SHISA9: variants seen among roughly 807,000 people sequenced by gnomAD.
SHISA9 encodes protein shisa-9.
In SHISA9, 13 loss-of-function variants were observed where a neutral mutation model predicts 38.0. The ratio of observed to expected loss-of-function variants is 0.34; its 90% confidence interval spans 0.22 to 0.54. SHISA9 has a LOEUF of 0.54. Ranked by LOEUF, SHISA9 falls within the 20% of genes least tolerant of loss-of-function variation. The probability of loss-of-function intolerance (pLI) is 0.91; values close to 1 mark genes in which losing one functional copy is unlikely to be tolerated. For synonymous variants in SHISA9, 275 were observed against 242.0 expected (o/e 1.14, Z -1.27); for missense variants, 538 against 575.8 (o/e 0.93, Z 0.67).
intron 2 of SHISA9, among the ~76,000 whole-genome samples, chr16:13,181,428 G>A (rs1192639672): frequency 6.6e-6 from 1 of 151,334 alleles, no homozygotes; most frequent in African/African-American, 2.4e-5. Flanking sequence ...GCTGTGAGGG[G>A]GGAAATCACA....
chr16:12,928,536 A>G (rs2071422988), intron 2 of SHISA9, among the ~76,000 whole-genome samples: 1 of 152,248 alleles, frequency 6.6e-6, no homozygotes. Context: ...TTAACTTTTC[A>G]GTTCTCCAAG....
At chr16:13,488,287 G>T in the SHISA9 span, among the ~76,000 whole-genome samples, 2 of 150,846 alleles carry the variant, frequency 1.3e-5, no homozygotes, top group Admixed American at 1.3e-4. Flanking sequence ...TTATGTCAAA[G>T]AATGTGAAAT....
At chr16:13,067,764 T>C (rs919209065) in intron 2 of SHISA9, among the ~76,000 whole-genome samples, 2 of 152,226 alleles carry the variant, frequency 1.3e-5, no homozygotes, top group African/African-American at 4.8e-5. Context: ...CTGCACCTGC[T>C]GTGCCTGCTG....
the SHISA9 span, among the ~76,000 whole-genome samples, chr16:13,380,078 C>A: frequency 1.3e-5 from 2 of 151,170 alleles, no homozygotes; most frequent in Non-Finnish European, 2.9e-5. Flanking sequence ...AACCGAAAGA[C>A]GAAGATACAG....
At chr16:13,044,692 G>A (rs74012250) in intron 2 of SHISA9, among the ~76,000 whole-genome samples, 4,964 of 152,230 alleles carry the variant, frequency 0.033, 240 homozygotes, top group African/African-American at 0.11. Context: ...TGAAGGCTCC[G>A]AGGTGAGAGG....
chr16:13,195,265 A>G (rs977770480), intron 2 of SHISA9, among the ~76,000 whole-genome samples: 3 of 152,230 alleles, frequency 2.0e-5, no homozygotes, highest in African/African-American at 7.2e-5. Flanking sequence ...CCAGAAAGTT[A>G]GAAAGTTTAA....
chr16:13,338,399 C>T, the SHISA9 span, among the ~76,000 whole-genome samples: 704 of 152,270 alleles, frequency 4.6e-3, 1 homozygote, highest in Non-Finnish European at 8.2e-3. Flanking sequence ...TTGATAACAA[C>T]ATTGTTCAGC....
chr16:13,398,826 TAACTC>T, the SHISA9 span, among the ~76,000 whole-genome samples: 6 of 152,154 alleles, frequency 3.9e-5, no homozygotes, highest in Admixed American at 6.5e-5. Context: ...TCACCAATCT[TAACTC>T]AACTCTAACA....
chr16:12,911,005 A>G (rs2071176010), intron 1 of SHISA9: 2 of 162,602 alleles, frequency 1.2e-5, no homozygotes, highest in Admixed American at 1.3e-4. Context: ...ATGTTAATCT[A>G]TTTCAAGAGC....
the SHISA9 span, among the ~76,000 whole-genome samples, chr16:13,283,177 A>G: frequency 2.0e-5 from 3 of 152,276 alleles, no homozygotes; most frequent in African/African-American, 7.2e-5. Context: ...GTTGATCACT[A>G]GGAACTTTGT....
chr16:13,421,021 T>G, the SHISA9 span, among the ~76,000 whole-genome samples: 1 of 152,172 alleles, frequency 6.6e-6, no homozygotes, highest in Non-Finnish European at 1.5e-5. Context: ...CATTTCCACA[T>G]CATTTTCAAT....
downstream of SHISA9, among the ~76,000 whole-genome samples, chr16:13,243,447 G>A (rs1478927493): frequency 2.0e-5 from 3 of 152,026 alleles, no homozygotes; most frequent in Middle Eastern, 3.2e-3. Flanking sequence ...TCAAAGTGGG[G>A]GGGCTTCCAG....
At chr16:13,267,937 C>T in the SHISA9 span, among the ~76,000 whole-genome samples, 394 of 149,214 alleles carry the variant, frequency 2.6e-3, 1 homozygote, top group African/African-American at 5.7e-3. Flanking sequence ...ATTTCTGTGA[C>T]GAATAGGATA....
In SHISA9 at chr16:13,183,780, C is replaced by G. The variant is rs183914733; in HGVS notation, c.692-19614C>G. 1.4e-4 allele frequency among the ~76,000 whole-genome samples: 21 copies of G among 152,268 alleles called. 1 individual carries two copies. The East Asian group carries it at 3.9e-3, about 28-fold the overall frequency. ...ACTTTAAGGTCCTGATCTAATTGCT[C>G]TCTTGGCTCTGTTTCCATGGATTTG... On this transcript the variant is annotated intron_variant, in intron 2 of 4. Coordinates refer to ENST00000558583, the MANE Select transcript of SHISA9 (RefSeq NM_001145204.3).
At chr16:13,069,572 G>A (rs982742157) in intron 2 of SHISA9, among the ~76,000 whole-genome samples, 18 of 151,260 alleles carry the variant, frequency 1.2e-4, no homozygotes, top group Admixed American at 8.5e-4. Flanking sequence ...GCGTGCATGT[G>A]TATGTGTGTG....
intron 2 of SHISA9, among the ~76,000 whole-genome samples, chr16:13,096,409 C>A (rs2073828442): frequency 6.6e-6 from 1 of 152,120 alleles, no homozygotes; most frequent in Admixed American, 6.5e-5. Context: ...GTGGTTAAAG[C>A]AATAATCATT....
At chr16:13,023,691 G>A (rs954944204) in intron 2 of SHISA9, among the ~76,000 whole-genome samples, 1 of 152,146 alleles carries the variant, frequency 6.6e-6, no homozygotes, top group Non-Finnish European at 1.5e-5. Flanking sequence ...GTTGTTTCCT[G>A]ACTTTTTAAT....
intron 2 of SHISA9, among the ~76,000 whole-genome samples, chr16:12,986,989 T>C (rs2141828562): frequency 6.6e-6 from 1 of 152,206 alleles, no homozygotes; most frequent in East Asian, 1.9e-4. Flanking sequence ...GTCTCTTCCA[T>C]ATCTGTCTTC....
the SHISA9 span, among the ~76,000 whole-genome samples, chr16:13,440,647 G>A: frequency 6.6e-6 from 1 of 152,204 alleles, no homozygotes; most frequent in African/African-American, 2.4e-5. Context: ...GGACATTGGT[G>A]GCCGGGTGCG....
Sources: allele counts gnomAD v4.1 joint callset (sites outside exome capture counted in the v4.1 genomes callset), GRCh38; gene constraint gnomAD v4.1.1; transcripts MANE v1.5; gene names NCBI Gene and HGNC (gene_info 2026-07-23, HGNC 2026-07-21).